The following KLHL23 variants were observed in gnomAD, a reference collection of about 807,000 sequenced individuals.
The protein encoded by KLHL23 is kelch-like protein 23.
KLHL23 carries 33 observed loss-of-function variants against 48.9 expected under a neutral mutation model. The ratio of observed to expected loss-of-function variants is 0.67; its 90% confidence interval spans 0.51 to 0.90. The LOEUF (loss-of-function observed/expected upper bound fraction) is 0.90. Ranked by LOEUF, KLHL23 falls within the 40% of genes least tolerant of loss-of-function variation. KLHL23 has a pLI of 0.00. For missense variants in KLHL23, 608 were observed against 669.6 expected, an observed-to-expected ratio of 0.91 and a Z score of 1.02; for synonymous variants, 234 against 231.6, an observed-to-expected ratio of 1.01 and a Z score of -0.09.
rs1043618533 is a variant in KLHL23 at position 169,750,658 on chromosome 2, C to T, written c.*926C>T. 1.3e-5 allele frequency: 2 copies of T among 151,996 alleles called. No individual in the cohort carries two copies. Among genetic ancestry groups the T allele is most frequent in the Admixed American group, 6.6e-5 (1 of 15,258 alleles). The allele number at this position is 151,996 out of a possible 1,614,324, so 9.4% of individuals were successfully genotyped here. Reference sequence around the variant, plus strand: ...ATTGTTACTCTCTATTTACTGACTACCAGAGATATACAAAATACTGTGCAA... The same window carrying T: ...ATTGTTACTCTCTATTTACTGACTATCAGAGATATACAAAATACTGTGCAA... On this transcript the variant is annotated 3_prime_UTR_variant, in exon 4 of 4. Transcript: ENST00000392647.
At chr2:169,742,199 C>T (rs1185753997) in intron 3 of KLHL23, among the ~76,000 whole-genome samples, 1 of 152,204 alleles carries the variant, frequency 6.6e-6, no homozygotes, top group African/African-American at 2.4e-5. Flanking sequence ...AGGAAAGATT[C>T]ATATCATCGT....
Position 169,735,770 on chromosome 2 carries a change from C to T in KLHL23, c.756C>T (p.Ile252=), listed in dbSNP as rs756096211. Residue 252 remains isoleucine (I), a synonymous_variant, in exon 2 of 4, where the codon ATC becomes ATT. Transcript: ENST00000392647. The surrounding 1 kb of genome is among the most constrained non-coding windows in gnomAD (Gnocchi z 4.5). Reference sequence around the variant, plus strand: ...GCTGCCTGCTCACCGAAAATAAGATCCGCTCCCTAATATACAATGCCTTGA... The same window carrying T: ...GCTGCCTGCTCACCGAAAATAAGATTCGCTCCCTAATATACAATGCCTTGA... ...QRSCLLTENK[I]RSLIYNALNP... The T allele has an allele frequency of 6.2e-7, 1 of 1,614,074 alleles. No individual in the cohort carries two copies. Among genetic ancestry groups the T allele is most frequent in the Non-Finnish European group, 8.5e-7 (1 of 1,180,026 alleles).
rs1688900983 is a variant in KLHL23, at chr2:169,749,913, T to TTATATATAGATATATATATATA, written c.*189_*190insGATATATATATATATATATATA. 1 of 216,128 alleles carries TTATATATAGATATATATATATA rather than the reference T, an allele frequency of 4.6e-6. No individual in the cohort carries two copies. 13.4% of individuals were successfully genotyped at this position (216,128 alleles called of 1,614,324 possible). Reference sequence around the variant, plus strand: ...TGGTGATTCATGGTCAAGAAAAATCTTATATATATATATATATACACACAC... The same window carrying TTATATATAGATATATATATATA: ...TGGTGATTCATGGTCAAGAAAAATCTTATATATAGATATATATATATATATATATATATATATATACACACAC... On this transcript the variant is annotated 3_prime_UTR_variant, in exon 4 of 4. Coordinates refer to ENST00000392647, the MANE Select transcript of KLHL23 (RefSeq NM_144711.6).
intron 2 of KLHL23, among the ~76,000 whole-genome samples, chr2:169,738,499 T>G (rs552229416): frequency 6.6e-6 from 1 of 152,304 alleles, no homozygotes; most frequent in African/African-American, 2.4e-5. Context: ...AATAGCAGCT[T>G]TCTCTGGTAA....
chr2:169,741,206 C>A, intron 2 of KLHL23, 179 bp from the exon 3 acceptor site: 1 of 666,878 alleles, frequency 1.5e-6, no homozygotes, highest in Non-Finnish European at 2.3e-6. Flanking sequence ...GCACGTCTCA[C>A]CCTCTCTTAA....
chr2:169,751,323 G>A lies in KLHL23; in HGVS notation c.*1591G>A, dbSNP rs1688964114. The A allele has an allele frequency of 6.6e-6, 1 of 152,110 alleles. No individual in the cohort carries two copies. The highest frequency in any genetic ancestry group is 2.1e-4 in the South Asian group (1 of 4,826). 9.4% of individuals were successfully genotyped at this position (152,110 alleles called of 1,614,324 possible). A position where few individuals can be genotyped will look rare whatever the true frequency, so the allele number is the denominator to read the frequency against. ...CAATAATTATTTTTAACTCACTGAA[G>A]TTTAAAACTACCTAGCATTTCTGAT... On this transcript the variant is annotated 3_prime_UTR_variant, in exon 4 of 4. Coordinates refer to ENST00000392647, the MANE Select transcript of KLHL23 (RefSeq NM_144711.6).
At chr2:169,738,829 TCCC>T (rs1224726281) in intron 2 of KLHL23, among the ~76,000 whole-genome samples, 2 of 22,214 alleles carry the variant, frequency 9.0e-5, no homozygotes, top group Non-Finnish European at 8.5e-5. Context: ...ACCTATTTCC[TCCC>T]CCTCCTCCCC....
intron 2 of KLHL23, among the ~76,000 whole-genome samples, chr2:169,737,004 T>C (rs767655661): frequency 2.0e-5 from 3 of 152,214 alleles, no homozygotes. Context: ...GATCCTTGGA[T>C]GACAGGCAGG....
intron 2 of KLHL23, among the ~76,000 whole-genome samples, chr2:169,740,058 G>A (rs77248715): frequency 0.032 from 4,921 of 152,200 alleles, 105 homozygotes; most frequent in East Asian, 0.1. Flanking sequence ...TGGTTGAGTC[G>A]GTGAGTAAGT....
Position 169,736,153 on chromosome 2 carries a change from G to A in KLHL23, c.1139G>A (p.Gly380Glu). Residue 380 changes from glycine to glutamate, a missense_variant, in exon 2 of 4, where the codon GGG becomes GAG. Gly to Glu is a moderately conservative substitution (Grantham distance 98, BLOSUM62 -2). Around this residue, in one of 3 missense-constraint regions of KLHL23, gnomAD observed 419 missense variants for 473.1 expected, o/e 0.89. Coordinates refer to ENST00000392647, the MANE Select transcript of KLHL23 (RefSeq NM_144711.6). ...TATGCTTTAGGTGGTTACAGAAAAG[G>A]GGCTCCAGCAGAAGAGGCTGAGTTC... is the stretch of plus-strand genomic sequence containing the variant. ...CVYALGGYRK[G>E]APAEEAEFYD... 6.2e-7 allele frequency: 1 copy of A among 1,614,110 alleles called. No homozygotes were observed. The highest frequency in any genetic ancestry group is 8.5e-7 in the Non-Finnish European group (1 of 1,180,010).
intron 2 of KLHL23, among the ~76,000 whole-genome samples, chr2:169,738,714 A>G (rs1262975372): frequency 6.6e-6 from 1 of 151,938 alleles, no homozygotes; most frequent in African/African-American, 2.4e-5. Flanking sequence ...ATTGAACTGT[A>G]TCATGCAAAA....
chr2:169,740,696 C>G (rs1352106210), intron 2 of KLHL23, among the ~76,000 whole-genome samples: 1 of 149,158 alleles, frequency 6.7e-6, no homozygotes, highest in Non-Finnish European at 1.5e-5. Flanking sequence ...GATCCACCCA[C>G]CTTGACCTCC....
intron 3 of KLHL23, among the ~76,000 whole-genome samples, chr2:169,744,357 A>C (rs1688741875): frequency 6.6e-6 from 1 of 152,220 alleles, no homozygotes; most frequent in Admixed American, 6.5e-5. Context: ...GAATGGCCCC[A>C]AATAAGGAAG....
chr2:169,748,629 C>A (rs557751678), intron 3 of KLHL23, among the ~76,000 whole-genome samples: 1 of 150,270 alleles, frequency 6.7e-6, no homozygotes, highest in Admixed American at 6.7e-5. Flanking sequence ...CTAAGCACTT[C>A]GCTAGCCTCA....
chr2:169,736,323 T>A, intron 2 of KLHL23, 96 bp downstream of exon 2: 2 of 1,446,916 alleles, frequency 1.4e-6, no homozygotes, highest in South Asian at 1.4e-5. Flanking sequence ...GGATGCTATC[T>A]AGGAACTATA....
rs1449644613 is a variant in KLHL23, at chr2:169,750,103, C to CGTATGTATGT, written c.*371_*372insGTATGTATGT. On this transcript the variant is annotated 3_prime_UTR_variant, in exon 4 of 4. Coordinates refer to ENST00000392647, the MANE Select transcript of KLHL23 (RefSeq NM_144711.6). ...ATGTATGTATACATATATGTGTATA[C>CGTATGTATGT]ATATATATGTGTGTATATATATACA... 14 of 7,044 alleles carry CGTATGTATGT rather than the reference C, an allele frequency of 2.0e-3. 2 individuals carry two copies. Among genetic ancestry groups the CGTATGTATGT allele is most frequent in the African/African-American group, 3.6e-3 (14 of 3,852 alleles). The allele number at this position is 7,044 out of a possible 1,614,324, so 0.4% of individuals were successfully genotyped here.
At chr2:169,747,571 G>A (rs1303547547) in intron 3 of KLHL23, among the ~76,000 whole-genome samples, 2 of 150,968 alleles carry the variant, frequency 1.3e-5, no homozygotes, top group Non-Finnish European at 2.9e-5. Context: ...CCAGTAGCTA[G>A]GATTACAGGT....
rs1688505935 is a variant in KLHL23 at position 169,736,040 on chromosome 2, T to C, written c.1026T>C (p.Tyr342=). The C allele has an allele frequency of 6.2e-7, 1 of 1,613,916 alleles. No individual in the cohort carries two copies. The highest frequency in any genetic ancestry group is 8.5e-7 in the Non-Finnish European group (1 of 1,180,004). ...NIEALDTVWI[Y]NSESDEWTEG... is the part of the protein sequence containing the mutation. ...AAGCTCTTGACACAGTGTGGATCTA[T>C]AACAGTGAAAGTGATGAATGGACAG... The change falls in exon 2 of 4, where the codon TAT becomes TAC. Residue 342 remains tyrosine (Y), a synonymous_variant. Coordinates refer to ENST00000392647, the MANE Select transcript of KLHL23 (RefSeq NM_144711.6).
At chr2:169,734,164 G>A (rs1308980358) in intron 1 of KLHL23, 77 bp downstream of exon 1, 1 of 147,376 alleles carries the variant, frequency 6.8e-6, no homozygotes, top group East Asian at 2.0e-4. Context: ...AGCGGGGCCG[G>A]GCGCGGGCAG....
Sources: gnomAD v4.1 joint callset for allele counts (sites outside exome capture counted in the v4.1 genomes callset) on GRCh38, gnomAD v4.1.1 for gene constraint, gnomAD v4.1.1 regional missense constraint, Gnocchi (gnomAD v3.1) non-coding constraint, MANE v1.5 for transcripts, NCBI Gene and HGNC (gene_info 2026-07-23, HGNC 2026-07-21) for gene names.